Variants in RIMS2 observed in about 807,000 individuals in gnomAD.
RIMS2 encodes regulating synaptic membrane exocytosis protein 2.
A neutral mutation model predicts 174.4 loss-of-function variants in RIMS2; 59 were observed. That is an observed-to-expected ratio of 0.34 (90% CI 0.27 to 0.42). RIMS2 has a LOEUF of 0.42. Ranked by LOEUF, RIMS2 falls within the 10% of genes least tolerant of loss-of-function variation. The probability of loss-of-function intolerance (pLI) is 1.00; values close to 1 mark genes in which losing one functional copy is unlikely to be tolerated. For synonymous variants in RIMS2, 606 were observed against 572.5 expected (o/e 1.06, Z -0.84); for missense variants, 1,620 against 1,666.3 (o/e 0.97, Z 0.48).
chr8:103,603,389 G>T (rs1365540778), intron 1 of RIMS2, among the ~76,000 whole-genome samples: 3 of 149,806 alleles, frequency 2.0e-5, no homozygotes, highest in Middle Eastern at 3.4e-3. Context: ...TCTTAATCCA[G>T]TCTATCATTG....
chr8:103,881,863 T>C (rs564872309), intron 3 of RIMS2, among the ~76,000 whole-genome samples: 2 of 151,594 alleles, frequency 1.3e-5, no homozygotes, highest in South Asian at 2.1e-4. Flanking sequence ...AGTGAATCGA[T>C]ATTAGGTAAA....
At chr8:103,501,167 T>G in intron 1 of RIMS2, 105 bp downstream of exon 1, 1 of 859,266 alleles carries the variant, frequency 1.2e-6, no homozygotes. Flanking sequence ...TCCCTCCCGC[T>G]GGCGGCGCCC....
chr8:103,625,596 T>C (rs1291963728), intron 1 of RIMS2, among the ~76,000 whole-genome samples: 1 of 152,136 alleles, frequency 6.6e-6, no homozygotes, highest in Non-Finnish European at 1.5e-5. Flanking sequence ...ATAAAGACCG[T>C]TTAACATAGT....
chr8:103,666,068 AT>A (rs1233651849), intron 1 of RIMS2, among the ~76,000 whole-genome samples: 1 of 152,158 alleles, frequency 6.6e-6, no homozygotes, highest in East Asian at 1.9e-4. Context: ...TGAATCAGGA[AT>A]CCCCTGAACC....
chr8:104,052,709 C>T (rs2096806489), intron 19 of RIMS2, among the ~76,000 whole-genome samples: 1 of 151,960 alleles, frequency 6.6e-6, no homozygotes, highest in Admixed American at 6.6e-5. Context: ...GTTTTAGGTG[C>T]TAAGGGGGCC....
At chr8:103,602,761 C>A (rs1430397883) in intron 1 of RIMS2, among the ~76,000 whole-genome samples, 1 of 152,060 alleles carries the variant, frequency 6.6e-6, no homozygotes, top group Non-Finnish European at 1.5e-5. Context: ...GCTGCAATGA[C>A]CATACACAAG....
intron 19 of RIMS2, 65 bp downstream of exon 22, chr8:104,041,423 C>A: frequency 3.1e-6 from 2 of 643,814 alleles, no homozygotes; most frequent in South Asian, 1.8e-5. Context: ...AATGTTTAAT[C>A]ATTTTTTTAC....
At chr8:104,055,538 A>C (rs2096854575) in intron 19 of RIMS2, among the ~76,000 whole-genome samples, 1 of 152,286 alleles carries the variant, frequency 6.6e-6, no homozygotes, top group African/African-American at 2.4e-5. Context: ...CTTTTCTTAG[A>C]AGCAATTTCA....
intron 1 of RIMS2, 72 bp downstream of exon 2, chr8:103,652,309 G>A (rs757089676): frequency 2.0e-5 from 17 of 839,798 alleles, no homozygotes; most frequent in Non-Finnish European, 3.0e-5. Flanking sequence ...TCTGGTATTA[G>A]CTTACACTAA....
chr8:103,546,677 A>G (rs1404564105), intron 1 of RIMS2, among the ~76,000 whole-genome samples: 1 of 152,206 alleles, frequency 6.6e-6, no homozygotes, highest in Non-Finnish European at 1.5e-5. Context: ...AATCATACTC[A>G]GCAGTCTTGG....
chr8:103,856,958 C>G (rs1476907170), intron 3 of RIMS2, among the ~76,000 whole-genome samples: 1 of 152,062 alleles, frequency 6.6e-6, no homozygotes, highest in Admixed American at 6.6e-5. Flanking sequence ...AGATGCACAA[C>G]TCAGTTATCT....
intron 2 of RIMS2, among the ~76,000 whole-genome samples, chr8:103,741,905 T>C (rs558807080): frequency 7.6e-4 from 115 of 152,192 alleles, no homozygotes; most frequent in African/African-American, 2.5e-3. Context: ...TACTTTGCGA[T>C]TTAAATAAGT....
At chr8:103,664,974 C>A (rs2136197760) in intron 1 of RIMS2, among the ~76,000 whole-genome samples, 1 of 152,242 alleles carries the variant, frequency 6.6e-6, no homozygotes, top group South Asian at 2.1e-4. Flanking sequence ...ATGTCCTTTG[C>A]AGGGACATGG....
At chr8:104,158,048 G>A (rs992770362) in intron 19 of RIMS2, among the ~76,000 whole-genome samples, 2 of 151,918 alleles carry the variant, frequency 1.3e-5, no homozygotes, top group African/African-American at 4.8e-5. Flanking sequence ...TTCTCCTAAC[G>A]CTATCCCTCC....
intron 1 of RIMS2, among the ~76,000 whole-genome samples, chr8:103,552,820 A>T (rs1407507990): frequency 6.6e-6 from 1 of 152,248 alleles, no homozygotes; most frequent in Non-Finnish European, 1.5e-5. Context: ...GAAGACATTT[A>T]TGCAGCCAAA....
intron 19 of RIMS2, among the ~76,000 whole-genome samples, chr8:104,108,322 C>A (rs1191678084): frequency 6.6e-6 from 1 of 152,062 alleles, no homozygotes; most frequent in Non-Finnish European, 1.5e-5. Context: ...ACTGCATGAT[C>A]ATATGATTAC....
intron 3 of RIMS2, among the ~76,000 whole-genome samples, chr8:103,864,956 G>A (rs1272982458): frequency 1.3e-5 from 2 of 152,062 alleles, no homozygotes; most frequent in Admixed American, 6.6e-5. Context: ...AGGCAAATGA[G>A]TTGAGCTTTA....
chr8:103,847,361 A>C (rs899654480), intron 3 of RIMS2, among the ~76,000 whole-genome samples: 4 of 152,090 alleles, frequency 2.6e-5, no homozygotes, highest in African/African-American at 9.7e-5. Flanking sequence ...CAAGGTGTCC[A>C]CTGTAAGCAC....
chr8:103,788,556 G>T (rs1239891736), intron 3 of RIMS2, among the ~76,000 whole-genome samples: 4 of 151,594 alleles, frequency 2.6e-5, no homozygotes, highest in Admixed American at 6.6e-5. Flanking sequence ...TGCCCCTGCT[G>T]GGGGGTGCCT....
Sources: allele counts gnomAD v4.1 joint callset (sites outside exome capture counted in the v4.1 genomes callset), GRCh38; gene constraint gnomAD v4.1.1; transcripts MANE v1.5; gene names NCBI Gene and HGNC (gene_info 2026-07-23, HGNC 2026-07-21).